Variants in SLC24A2 observed in about 807,000 individuals in gnomAD.
The protein encoded by SLC24A2 is sodium/potassium/calcium exchanger 2.
A neutral mutation model predicts 62.0 loss-of-function variants in SLC24A2; 36 were observed. That is an observed-to-expected ratio of 0.58 (90% confidence interval 0.44 to 0.77). The LOEUF is 0.77. Among genes scored for constraint, SLC24A2 ranks in the 30% least tolerant of loss-of-function variants. SLC24A2 has a pLI of 0.00. For synonymous variants in SLC24A2, 358 were observed against 294.0 expected (o/e 1.22, Z -2.23); for missense variants, 846 against 817.9 (o/e 1.03, Z -0.42).
chr9:20,163,809 G>A, the SLC24A2 span, among the ~76,000 whole-genome samples: 34 of 152,266 alleles, frequency 2.2e-4, no homozygotes, highest in African/African-American at 7.9e-4. Flanking sequence ...ACAGAACAGA[G>A]CCCTCAGAAG....
the SLC24A2 span, among the ~76,000 whole-genome samples, chr9:20,230,347 C>A: frequency 5.3e-5 from 8 of 152,296 alleles, no homozygotes; most frequent in African/African-American, 1.9e-4. Context: ...TACAGTCCCA[C>A]CAACAGTGTA....
the SLC24A2 span, among the ~76,000 whole-genome samples, chr9:20,273,806 A>G: frequency 6.6e-6 from 1 of 152,308 alleles, no homozygotes; most frequent in East Asian, 1.9e-4. Context: ...CTGTTCAATC[A>G]TATTTCTACA....
chr9:19,925,464 C>T, the SLC24A2 span, among the ~76,000 whole-genome samples: 21 of 152,142 alleles, frequency 1.4e-4, no homozygotes, highest in African/African-American at 5.1e-4. Flanking sequence ...AGCTGTAACT[C>T]CTTGTGTATA....
At chr9:19,541,740 C>T (rs376019342) in intron 8 of SLC24A2, among the ~76,000 whole-genome samples, 3 of 148,778 alleles carry the variant, frequency 2.0e-5, no homozygotes, top group African/African-American at 5.0e-5. Flanking sequence ...CCACCCAGTT[C>T]GAGCTTCCCG....
In SLC24A2 at chr9:19,516,181, C is replaced by T. The variant is rs1563924386; in HGVS notation, c.1958G>A (p.Arg653Lys). The change falls in exon 11 of 11, where the codon AGA becomes AAA. Residue 653 changes from arginine to lysine, a missense_variant. By Grantham distance (26) the Arg-to-Lys change is conservative. Transcript: ENST00000341998. ...FLVVSVLLED[R>K]ILTCPVSI is the part of the protein sequence containing the mutation. ...GATGGAGACGGGGCATGTAAGAATT[C>T]TGTCTTCTAGGAGAACGCTCACCAC... 6.8e-6 allele frequency: 11 copies of T among 1,614,120 alleles called. No homozygotes were observed. The highest frequency in any genetic ancestry group is 9.3e-6 in the Non-Finnish European group (11 of 1,180,000).
intron 9 of SLC24A2, among the ~76,000 whole-genome samples, chr9:19,522,198 C>T (rs1833237266): frequency 6.6e-6 from 1 of 152,048 alleles, no homozygotes; most frequent in African/African-American, 2.4e-5. Flanking sequence ...ATGGTTCTTA[C>T]TATGTTGCCC....
At chr9:20,239,101 G>T in the SLC24A2 span, among the ~76,000 whole-genome samples, 2 of 152,212 alleles carry the variant, frequency 1.3e-5, no homozygotes, top group African/African-American at 4.8e-5. Flanking sequence ...CTGTGGCATT[G>T]TTACAACAGT....
At chr9:20,154,006 A>G in the SLC24A2 span, among the ~76,000 whole-genome samples, 1 of 151,892 alleles carries the variant, frequency 6.6e-6, no homozygotes, top group African/African-American at 2.4e-5. Flanking sequence ...GTGCAACTGT[A>G]TACCCCAGAT....
At chr9:20,111,284 G>C in the SLC24A2 span, among the ~76,000 whole-genome samples, 1 of 152,130 alleles carries the variant, frequency 6.6e-6, no homozygotes. Flanking sequence ...GGGTCATGGA[G>C]GTTAGCCAGA....
intron 2 of SLC24A2, among the ~76,000 whole-genome samples, chr9:19,721,674 G>A (rs954188984): frequency 3.3e-5 from 5 of 152,150 alleles, no homozygotes; most frequent in Non-Finnish European, 7.4e-5. Context: ...GATGCTTTAT[G>A]TGTCTTCATC....
the SLC24A2 span, among the ~76,000 whole-genome samples, chr9:19,881,404 C>T: frequency 6.6e-6 from 1 of 152,176 alleles, no homozygotes; most frequent in Non-Finnish European, 1.5e-5. Context: ...TGAGAACCAT[C>T]TACTGACTTA....
At chr9:19,658,122 C>G (rs1321679700) in intron 2 of SLC24A2, among the ~76,000 whole-genome samples, 1 of 152,232 alleles carries the variant, frequency 6.6e-6, no homozygotes, top group Non-Finnish European at 1.5e-5. Flanking sequence ...TTTGCCCAAG[C>G]TGCCCTCTGG....
chr9:20,038,923 A>AT, the SLC24A2 span, among the ~76,000 whole-genome samples: 1 of 152,192 alleles, frequency 6.6e-6, no homozygotes, highest in African/African-American at 2.4e-5. Context: ...GTTTCGTAAA[A>AT]TTTTTTTAAA....
the SLC24A2 span, among the ~76,000 whole-genome samples, chr9:19,795,608 A>G: frequency 6.6e-6 from 1 of 152,200 alleles, no homozygotes; most frequent in East Asian, 1.9e-4. Flanking sequence ...CATCTTTCAA[A>G]GTAATGAGGT....
the SLC24A2 span, among the ~76,000 whole-genome samples, chr9:20,282,889 A>G: frequency 2.0e-5 from 3 of 152,232 alleles, no homozygotes; most frequent in African/African-American, 7.2e-5. Flanking sequence ...CTCTGCAATG[A>G]ACCTTGCATC....
At chr9:19,535,741 T>G (rs1175917863) in intron 8 of SLC24A2, among the ~76,000 whole-genome samples, 1 of 152,134 alleles carries the variant, frequency 6.6e-6, no homozygotes, top group East Asian at 1.9e-4. Flanking sequence ...TACCATGCTG[T>G]TTTGGTTACG....
the SLC24A2 span, among the ~76,000 whole-genome samples, chr9:20,157,039 G>C: frequency 1.3e-5 from 2 of 151,492 alleles, no homozygotes; most frequent in East Asian, 2.0e-4. Context: ...AATAAGACAA[G>C]GCAAAAACCA....
chr9:20,009,612 G>A, the SLC24A2 span, among the ~76,000 whole-genome samples: 1 of 152,128 alleles, frequency 6.6e-6, no homozygotes, highest in African/African-American at 2.4e-5. Context: ...GTCTTCCCTA[G>A]GTCGAGAGGC....
chr9:19,516,233 T>C lies in SLC24A2; in HGVS notation c.1906A>G (p.Met636Val), dbSNP rs774162676. ...AGGAACACAAAGTAGAGGCCAAACATGATGAAGCCCAGGATTTTGTTCATT... is the reference window on the plus strand; with the variant it reads ...AGGAACACAAAGTAGAGGCCAAACACGATGAAGCCCAGGATTTTGTTCATT... ...WRMNKILGFI[M>V]FGLYFVFLVV... Residue 636 changes from methionine to valine, a missense_variant, in exon 11 of 11, where the codon ATG becomes GTG. Transcript: ENST00000341998. The C allele has an allele frequency of 1.9e-6, 3 of 1,614,020 alleles. No individual in the cohort carries two copies. The highest frequency in any genetic ancestry group is 2.2e-5 in the South Asian group (2 of 91,066).
Sources: allele counts gnomAD v4.1 joint callset (sites outside exome capture counted in the v4.1 genomes callset), GRCh38; gene constraint gnomAD v4.1.1; transcripts MANE v1.5; gene names NCBI Gene and HGNC (gene_info 2026-07-23, HGNC 2026-07-21).